Variants in PKHD1 observed in about 807,000 individuals in gnomAD.
The protein encoded by PKHD1 is PKHD1 ciliary IPT domain containing fibrocystin/polyductin.
PKHD1 carries 291 observed loss-of-function variants against 412.0 expected under a neutral mutation model. The observed-to-expected ratio is 0.71, with a 90% CI of 0.64 to 0.78. The LOEUF (loss-of-function observed/expected upper bound fraction) is 0.78, where lower values mean the gene tolerates loss of function less well. Ranked by LOEUF, PKHD1 falls within the 30% of genes least tolerant of loss-of-function variation. The probability of loss-of-function intolerance (pLI) is 0.00; values close to 1 mark genes in which losing one functional copy is unlikely to be tolerated. For synonymous variants in PKHD1, 1,777 were observed against 1,821.5 expected (o/e 0.98, Z 0.62); for missense variants, 4,825 against 4,950.7 (o/e 0.97, Z 0.76).
intron 41 of PKHD1, among the ~76,000 whole-genome samples, chr6:51,904,369 T>C (rs887227947): frequency 1.3e-5 from 2 of 152,164 alleles, no homozygotes; most frequent in Non-Finnish European, 2.9e-5. Context: ...CCACCTGCTA[T>C]CTGCATGCCC....
intron 32 of PKHD1, among the ~76,000 whole-genome samples, chr6:52,023,753 T>TA (rs949309423): frequency 9.9e-5 from 15 of 152,116 alleles, no homozygotes; most frequent in African/African-American, 1.9e-4. Flanking sequence ...TCTTCCATCA[T>TA]AAAAAAACAT....
chr6:51,934,395 T>C, intron 36 of PKHD1, 73 bp from the exon 37 acceptor site: 1 of 892,058 alleles, frequency 1.1e-6, no homozygotes, highest in Non-Finnish European at 1.9e-6. Flanking sequence ...CAATGCCTGA[T>C]GAAATCCCCT....
chr6:51,950,934 G>A (rs1406667146), intron 36 of PKHD1, among the ~76,000 whole-genome samples: 4 of 152,090 alleles, frequency 2.6e-5, no homozygotes, highest in Admixed American at 6.5e-5. Context: ...TTAGTGAATT[G>A]TCCCACTTTA....
chr6:51,852,599 T>C (rs892782812), intron 49 of PKHD1, among the ~76,000 whole-genome samples: 4 of 152,218 alleles, frequency 2.6e-5, no homozygotes, highest in African/African-American at 9.6e-5. Context: ...ATTGGGGGCA[T>C]GTATATTTAG....
At chr6:51,787,996 C>A (rs1582692087) in intron 53 of PKHD1, among the ~76,000 whole-genome samples, 1 of 152,096 alleles carries the variant, frequency 6.6e-6, no homozygotes, top group Non-Finnish European at 1.5e-5. Flanking sequence ...GGGCAAATGG[C>A]AGTAATCTGT....
intron 61 of PKHD1, among the ~76,000 whole-genome samples, chr6:51,654,222 T>C (rs895701530): frequency 6.6e-6 from 1 of 152,118 alleles, no homozygotes; most frequent in Non-Finnish European, 1.5e-5. Flanking sequence ...AAGATTAACA[T>C]TTTATACTCA....
chr6:52,053,591 G>A (rs576820512), intron 20 of PKHD1, among the ~76,000 whole-genome samples: 1 of 152,272 alleles, frequency 6.6e-6, no homozygotes, highest in South Asian at 2.1e-4. Context: ...GATACTTCTG[G>A]ACATTACCAG....
At chr6:52,008,502 T>C (rs1799372730) in intron 35 of PKHD1, among the ~76,000 whole-genome samples, 1 of 152,198 alleles carries the variant, frequency 6.6e-6, no homozygotes, top group Non-Finnish European at 1.5e-5. Flanking sequence ...CACATAAGGA[T>C]TTTTAAATGA....
intron 60 of PKHD1, among the ~76,000 whole-genome samples, chr6:51,722,831 G>A (rs1013982275): frequency 1.3e-5 from 2 of 152,156 alleles, no homozygotes; most frequent in Non-Finnish European, 1.5e-5. Context: ...TGAAGAGAAA[G>A]ACTGACTTCC....
chr6:51,725,916 C>T (rs1272120181), intron 60 of PKHD1, among the ~76,000 whole-genome samples: 1 of 152,146 alleles, frequency 6.6e-6, no homozygotes, highest in Non-Finnish European at 1.5e-5. Flanking sequence ...ACCCAGGAGG[C>T]CATATTTTAG....
At position 52,025,460 on chromosome 6, in the gene PKHD1, G is replaced by T. The variant is rs761895057; in HGVS notation, c.4350C>A (p.Asp1450Glu). Reference sequence around the variant, plus strand: ...GGGAGAAGGAAGCTCCAGGCAAGGGGTCACCCTCCAGGCTAACCTGGCAGA... The same window carrying T: ...GGGAGAAGGAAGCTCCAGGCAAGGGTTCACCCTCCAGGCTAACCTGGCAGA... ...TILCQVSLEG[D>E]PLPGASFSLN... The change falls in exon 32 of 67, where the codon GAC becomes GAA. Residue 1450 changes from aspartate to glutamate, a missense_variant. Transcript: ENST00000371117. 47 of 1,609,004 alleles carry T rather than the reference G, an allele frequency of 2.9e-5. 1 individual carries two copies. The South Asian group carries it at 4.7e-4, about 16-fold the overall frequency.
chr6:51,931,699 C>T (rs1008485946), intron 37 of PKHD1, among the ~76,000 whole-genome samples: 3 of 152,154 alleles, frequency 2.0e-5, no homozygotes, highest in South Asian at 4.1e-4. Context: ...TTGATCTTTG[C>T]CTGTGTTCAA....
chr6:51,653,269 T>C (rs1293569625), intron 61 of PKHD1, among the ~76,000 whole-genome samples: 2 of 152,140 alleles, frequency 1.3e-5, no homozygotes, highest in Non-Finnish European at 2.9e-5. Flanking sequence ...TTACCTTTCA[T>C]GGTCCTGATG....
chr6:51,940,276 C>A (rs1190358753), intron 36 of PKHD1, among the ~76,000 whole-genome samples: 2 of 151,744 alleles, frequency 1.3e-5, no homozygotes, highest in Non-Finnish European at 1.5e-5. Flanking sequence ...TTAACCTTGC[C>A]TTCAAGGTGT....
In PKHD1 at chr6:51,917,081, C is replaced by A. The variant is rs892873122; in HGVS notation, c.6122-4505G>T. 4.0e-5 allele frequency among the ~76,000 whole-genome samples: 6 copies of A among 149,564 alleles called. No individual in the cohort carries two copies. The East Asian group carries it at 1.0e-3, about 25-fold the overall frequency. On this transcript the variant is annotated intron_variant, in intron 37 of 66. Transcript: ENST00000371117. ...TTAACACACTAAAATCACTAATTGT[C>A]CTCTGTTTGCTTACTTTGTAGGACT...
chr6:51,907,773 A>G (rs1019383479), intron 40 of PKHD1, among the ~76,000 whole-genome samples: 2 of 152,164 alleles, frequency 1.3e-5, no homozygotes, highest in African/African-American at 4.8e-5. Flanking sequence ...AGATTCCTTA[A>G]TGAGCATTCC....
intron 60 of PKHD1, among the ~76,000 whole-genome samples, chr6:51,665,224 G>A (rs577252790): frequency 6.6e-6 from 1 of 152,038 alleles, no homozygotes; most frequent in African/African-American, 2.4e-5. Context: ...TCTTGTGACA[G>A]ATATACTTTT....
chr6:52,053,923 A>T, intron 20 of PKHD1, 115 bp downstream of exon 20: 1 of 1,032,712 alleles, frequency 9.7e-7, no homozygotes, highest in Non-Finnish European at 1.5e-6. Flanking sequence ...TCCCCAAATT[A>T]GTGTATGAGG....
chr6:51,910,803 C>G (rs1225295436), intron 39 of PKHD1, among the ~76,000 whole-genome samples: 2 of 152,102 alleles, frequency 1.3e-5, no homozygotes, highest in Non-Finnish European at 2.9e-5. Context: ...TAGAATGACA[C>G]ATTTGTGAGT....
Sources: gnomAD v4.1 joint callset for allele counts (sites outside exome capture counted in the v4.1 genomes callset) on GRCh38, gnomAD v4.1.1 for gene constraint, MANE v1.5 for transcripts, NCBI Gene and HGNC (gene_info 2026-07-23, HGNC 2026-07-21) for gene names.